The following SHROOM3 variants were observed in gnomAD, a reference collection of about 807,000 sequenced individuals.
SHROOM3 encodes the protein protein Shroom3.
A neutral mutation model predicts 138.6 loss-of-function variants in SHROOM3; 47 were observed. The ratio of observed to expected loss-of-function variants is 0.34; its 90% CI spans 0.27 to 0.43. The LOEUF (loss-of-function observed/expected upper bound fraction) is 0.43. Ranked by LOEUF, SHROOM3 falls within the 20% of genes least tolerant of loss-of-function variation. The pLI, the probability that SHROOM3 is intolerant of heterozygous loss-of-function variation, is 1.00. For synonymous variants in SHROOM3, 1,062 were observed against 1,063.3 expected, an observed-to-expected ratio of 1.00 and a Z score of 0.02; for missense variants, 2,491 against 2,596.5, an observed-to-expected ratio of 0.96 and a Z score of 0.88.
At chr4:76,588,608 C>T (rs1457273200) in intron 2 of SHROOM3, among the ~76,000 whole-genome samples, 1 of 152,164 alleles carries the variant, frequency 6.6e-6, no homozygotes, top group African/African-American at 2.4e-5. Flanking sequence ...CTTCTTCTCC[C>T]CACAGTGTCC....
rs558707266 is a variant in SHROOM3, at chr4:76,681,594, GGTGTGT to G, written c.324-28527_324-28522del. ...TGTAAGAAGCTTAGGCAGAGTCTAG[GGTGTGT>G]GTGTGTGTGTGTGTGTGTGTGTGTG... is the stretch of plus-strand genomic sequence containing the variant. On this transcript the variant is annotated intron_variant, in intron 2 of 10. Transcript: ENST00000296043. 3.7e-5 allele frequency among the ~76,000 whole-genome samples: 3 copies of G among 81,016 alleles called. 1 individual carries two copies. Among genetic ancestry groups the G allele is most frequent in the Admixed American group, 1.4e-4 (1 of 7,278 alleles). 53.1% of individuals were successfully genotyped at this position (81,016 alleles called of 152,430 possible). A position where few individuals can be genotyped will look rare whatever the true frequency, so the allele number is the denominator to read the frequency against.
chr4:76,553,721 G>A (rs1733417284), intron 1 of SHROOM3, among the ~76,000 whole-genome samples: 1 of 151,812 alleles, frequency 6.6e-6, no homozygotes, highest in Non-Finnish European at 1.5e-5. Flanking sequence ...GGACTCCTGA[G>A]CTCAGGCAAT....
Position 76,568,102 on chromosome 4 carries a change from T to C in SHROOM3, c.323+12339T>C, listed in dbSNP as rs528740269. Among the ~76,000 whole-genome samples, 4 of 152,304 alleles carry C rather than the reference T, an allele frequency of 2.6e-5. No individual in the cohort carries two copies. In the East Asian group the frequency reaches 7.7e-4, roughly 29 times the overall value. On this transcript the variant is annotated intron_variant, in intron 2 of 10. Coordinates refer to ENST00000296043, the MANE Select transcript of SHROOM3 (RefSeq NM_020859.4). ...ACATACTAGAATATAAGTTCTTCGA[T>C]GGCAGGGATTTTGTTCGGTGTGGTA...
intron 2 of SHROOM3, among the ~76,000 whole-genome samples, chr4:76,632,181 T>C (rs1248982509): frequency 3.3e-5 from 5 of 152,208 alleles, no homozygotes; most frequent in South Asian, 2.1e-4. Context: ...GGGCAGGTAA[T>C]TGTACAAAAG....
intron 2 of SHROOM3, among the ~76,000 whole-genome samples, chr4:76,700,621 C>T (rs1326185565): frequency 6.6e-6 from 1 of 152,112 alleles, no homozygotes; most frequent in Non-Finnish European, 1.5e-5. Flanking sequence ...AGGATCGTGT[C>T]TGTTTTGCCA....
chr4:76,579,239 C>T (rs377208747), intron 2 of SHROOM3, among the ~76,000 whole-genome samples: 3 of 151,806 alleles, frequency 2.0e-5, no homozygotes, highest in Admixed American at 6.6e-5. Context: ...GAGGCCAAGG[C>T]GGGCAGATCA....
chr4:76,521,381 C>T (rs1459793995), intron 1 of SHROOM3, among the ~76,000 whole-genome samples: 2 of 152,148 alleles, frequency 1.3e-5, no homozygotes, highest in Non-Finnish European at 1.5e-5. Context: ...CTATTACAAA[C>T]ATATTAGCTA....
At chr4:76,735,871 ATAT>A (rs1721053842) in intron 4 of SHROOM3, among the ~76,000 whole-genome samples, 41 of 18,850 alleles carry the variant, frequency 2.2e-3, no homozygotes, top group African/African-American at 6.2e-3. Context: ...AAAAAAAAAT[ATAT>A]ATATATATAT....
chr4:76,681,625 G>GTGTGTGTGTGTGTA (rs150048957), intron 2 of SHROOM3, among the ~76,000 whole-genome samples: 7 of 117,930 alleles, frequency 5.9e-5, no homozygotes, highest in African/African-American at 2.1e-4. Context: ...GTGTGTGTGT[G>GTGTGTGTGTGTGTA]TGTGTGTGTA....
chr4:76,707,368 G>A lies in SHROOM3; in HGVS notation c.324-2788G>A, dbSNP rs141577312. Among the ~76,000 whole-genome samples the A allele has an allele frequency of 2.6e-5, 4 of 152,296 alleles. No individual in the cohort carries two copies. In the East Asian group the frequency reaches 7.7e-4, roughly 29 times the overall value. On this transcript the variant is annotated intron_variant, in intron 2 of 10. Transcript: ENST00000296043. ...TCTCTGTATCTCAGGTTGTCAGTCT[G>A]TAAAATGGGACTTAAACCCTCATTC...
At chr4:76,689,685 G>C (rs1033032519) in intron 2 of SHROOM3, 3 of 985,366 alleles carry the variant, frequency 3.0e-6, no homozygotes, top group Non-Finnish European at 3.6e-6. Flanking sequence ...GGCGGCGGCC[G>C]CGAGGCGAGC....
At chr4:76,705,852 G>A (rs1720032683) in intron 2 of SHROOM3, among the ~76,000 whole-genome samples, 1 of 152,150 alleles carries the variant, frequency 6.6e-6, no homozygotes, top group Admixed American at 6.5e-5. Context: ...GAGTTAAAAG[G>A]ATATAGGAGG....
intron 2 of SHROOM3, among the ~76,000 whole-genome samples, chr4:76,652,752 C>CCT (rs10681383): frequency 0.52 from 77,471 of 149,422 alleles, 19,981 homozygotes; most frequent in East Asian, 0.78. Flanking sequence ...CTTGAGTCTC[C>CCT]CTCTCTCTCT....
intron 2 of SHROOM3, among the ~76,000 whole-genome samples, chr4:76,620,795 C>A (rs1734988550): frequency 1.3e-5 from 2 of 152,126 alleles, no homozygotes; most frequent in African/African-American, 4.8e-5. Flanking sequence ...AACCCGATGA[C>A]CATCTTCCTG....
chr4:76,464,718 T>G (rs1312975184), intron 1 of SHROOM3, among the ~76,000 whole-genome samples: 1 of 152,196 alleles, frequency 6.6e-6, no homozygotes, highest in African/African-American at 2.4e-5. Flanking sequence ...CTCATGATAG[T>G]GAGTGAATTC....
At chr4:76,752,449 C>A (rs1048134504) in intron 6 of SHROOM3, among the ~76,000 whole-genome samples, 2 of 151,548 alleles carry the variant, frequency 1.3e-5, no homozygotes, top group African/African-American at 2.4e-5. Flanking sequence ...TTTTTTCTAA[C>A]CACAATTTTT....
intron 2 of SHROOM3, among the ~76,000 whole-genome samples, chr4:76,654,684 A>G (rs1445987412): frequency 6.6e-6 from 1 of 152,106 alleles, no homozygotes; most frequent in Non-Finnish European, 1.5e-5. Context: ...ATAAAACAGT[A>G]TGATTTAGTG....
chr4:76,656,008 G>A (rs1560581732), intron 2 of SHROOM3, among the ~76,000 whole-genome samples: 1 of 152,154 alleles, frequency 6.6e-6, no homozygotes, highest in African/African-American at 2.4e-5. Context: ...TTAGAGACTC[G>A]TGGAGACCAT....
At chr4:76,546,998 T>C (rs1171754331) in intron 1 of SHROOM3, among the ~76,000 whole-genome samples, 1 of 152,240 alleles carries the variant, frequency 6.6e-6, no homozygotes, top group African/African-American at 2.4e-5. Flanking sequence ...CATTCCCTGT[T>C]CAGTTTGATG....
Sources: gnomAD v4.1 joint callset for allele counts (sites outside exome capture counted in the v4.1 genomes callset) on GRCh38, gnomAD v4.1.1 for gene constraint, MANE v1.5 for transcripts, NCBI Gene and HGNC (gene_info 2026-07-23, HGNC 2026-07-21) for gene names.